Variants in YAF2 observed in about 807,000 individuals in gnomAD.
YAF2 encodes the protein YY1-associated factor 2.
In YAF2, 7 loss-of-function variants were observed where a neutral mutation model predicts 20.1. The observed-to-expected ratio is 0.35, with a 90% CI of 0.20 to 0.65. The LOEUF (loss-of-function observed/expected upper bound fraction) is 0.65, where lower values mean the gene tolerates loss of function less well. Among genes scored for constraint, YAF2 ranks in the 30% least tolerant of loss-of-function variants. The pLI is 0.69. For synonymous variants in YAF2, 74 were observed against 76.0 expected, an observed-to-expected ratio of 0.97 and a Z score of 0.14; for missense variants, 151 against 219.2, an observed-to-expected ratio of 0.69 and a Z score of 1.96.
intron 2 of YAF2, among the ~76,000 whole-genome samples, chr12:42,167,158 A>G (rs2065934881): frequency 6.6e-6 from 1 of 152,048 alleles, no homozygotes; most frequent in Non-Finnish European, 1.5e-5. Flanking sequence ...GGGAAAGGGG[A>G]GGGAGAGTAT....
intron 2 of YAF2, among the ~76,000 whole-genome samples, chr12:42,188,263 G>A (rs1483299429): frequency 6.6e-6 from 1 of 151,764 alleles, no homozygotes; most frequent in African/African-American, 2.4e-5. Flanking sequence ...CAAATGAATA[G>A]AATAAATCAA....
intron 2 of YAF2, among the ~76,000 whole-genome samples, chr12:42,218,187 C>A (rs10880271): frequency 2.1e-3 from 98 of 46,198 alleles, no homozygotes; most frequent in South Asian, 0.012. Flanking sequence ...TACTAGGAAA[C>A]ACACACACAC....
intron 2 of YAF2, among the ~76,000 whole-genome samples, chr12:42,183,580 T>G (rs962236693): frequency 5.9e-5 from 9 of 152,182 alleles, no homozygotes; most frequent in African/African-American, 1.9e-4. Flanking sequence ...AACCAAAGCC[T>G]AATCCACAGC....
chr12:42,178,327 C>A (rs2066250916), intron 2 of YAF2, among the ~76,000 whole-genome samples: 1 of 152,060 alleles, frequency 6.6e-6, no homozygotes, highest in Non-Finnish European at 1.5e-5. Context: ...AGGAATGAAG[C>A]CTGGTACAGG....
intron 1 of YAF2, 23 bp downstream of exon 1, chr12:42,238,131 GC>G: frequency 1.3e-6 from 2 of 1,531,982 alleles, no homozygotes; most frequent in Admixed American, 2.0e-5. Context: ...CACAGTCCGG[GC>G]CCCGGGGCCC....
At chr12:42,199,246 G>C (rs2066835306) in intron 2 of YAF2, 1 of 1,281,714 alleles carries the variant, frequency 7.8e-7, no homozygotes, top group Admixed American at 2.3e-5. Context: ...CTGGCAAAAG[G>C]GTTACAGAGT....
intron 2 of YAF2, chr12:42,234,570 T>C (rs2137441247): frequency 1.4e-5 from 14 of 985,420 alleles, no homozygotes; most frequent in Non-Finnish European, 1.7e-5. Flanking sequence ...ATACATGCCA[T>C]GAATGTAACT....
At chr12:42,229,491 G>A (rs2067911485) in intron 2 of YAF2, among the ~76,000 whole-genome samples, 1 of 151,298 alleles carries the variant, frequency 6.6e-6, no homozygotes, top group Non-Finnish European at 1.5e-5. Flanking sequence ...GAATACCAAA[G>A]TGAATAAGAC....
chr12:42,209,726 C>T (rs114284264), intron 2 of YAF2, among the ~76,000 whole-genome samples: 1,604 of 152,248 alleles, frequency 0.011, 29 homozygotes, highest in African/African-American at 0.037. Flanking sequence ...AAGAAATGTA[C>T]ACAAGAATTC....
At chr12:42,179,470 A>G (rs1026960196) in intron 2 of YAF2, among the ~76,000 whole-genome samples, 2 of 152,222 alleles carry the variant, frequency 1.3e-5, no homozygotes, top group Admixed American at 6.5e-5. Context: ...ATTCCACCTC[A>G]ATAATAACAA....
intron 2 of YAF2, among the ~76,000 whole-genome samples, chr12:42,180,035 C>G (rs1418510944): frequency 3.3e-5 from 5 of 151,966 alleles, no homozygotes; most frequent in Non-Finnish European, 7.4e-5. Context: ...AGTATTTTTC[C>G]TAAGTTTCTT....
At chr12:42,199,145 C>CA in intron 2 of YAF2, 3 of 1,287,962 alleles carry the variant, frequency 2.3e-6, no homozygotes, top group Non-Finnish European at 2.0e-6. Context: ...CCAGACTGTC[C>CA]AAAAAAGAGA....
chr12:42,170,217 T>G (rs1181645481), intron 2 of YAF2, among the ~76,000 whole-genome samples: 1 of 152,114 alleles, frequency 6.6e-6, no homozygotes, highest in Non-Finnish European at 1.5e-5. Flanking sequence ...TACACCATAA[T>G]TGTAGGTATG....
intron 2 of YAF2, chr12:42,210,479 T>C (rs1473901992): frequency 3.9e-6 from 6 of 1,535,754 alleles, no homozygotes; most frequent in Non-Finnish European, 5.2e-6. Flanking sequence ...AGTACAGACG[T>C]ATATGTAAGA....
intron 2 of YAF2, among the ~76,000 whole-genome samples, chr12:42,177,226 C>T (rs1394117966): frequency 6.6e-6 from 1 of 152,188 alleles, no homozygotes; most frequent in Non-Finnish European, 1.5e-5. Context: ...CTTCTATACT[C>T]TTCTATATGG....
At chr12:42,235,020 A>C (rs2068103185) in intron 2 of YAF2, 1 of 985,440 alleles carries the variant, frequency 1.0e-6, no homozygotes, top group Non-Finnish European at 1.2e-6. Flanking sequence ...AAGACTTCAA[A>C]GGTAGAACAA....
chr12:42,168,600 C>A (rs1185913008), intron 2 of YAF2, among the ~76,000 whole-genome samples: 1 of 152,056 alleles, frequency 6.6e-6, no homozygotes, highest in Non-Finnish European at 1.5e-5. Context: ...AAAATAAAGA[C>A]TCTAACCTGG....
chr12:42,173,377 T>G (rs1241306717), intron 2 of YAF2, among the ~76,000 whole-genome samples: 2 of 152,220 alleles, frequency 1.3e-5, no homozygotes, highest in African/African-American at 2.4e-5. Context: ...AAGATAGTCC[T>G]TGGTAAGCAC....
chr12:42,206,645 A>G (rs2067052006), intron 2 of YAF2, among the ~76,000 whole-genome samples: 1 of 151,936 alleles, frequency 6.6e-6, no homozygotes, highest in African/African-American at 2.4e-5. Flanking sequence ...TTTAAGCTAA[A>G]TCACCTTAGA....
Sources: allele counts gnomAD v4.1 joint callset (sites outside exome capture counted in the v4.1 genomes callset), GRCh38; gene constraint gnomAD v4.1.1; transcripts MANE v1.5; gene names NCBI Gene and HGNC (gene_info 2026-07-23, HGNC 2026-07-21).